Variants in ATG7 observed in about 807,000 individuals in gnomAD.
The protein encoded by ATG7 is ubiquitin-like modifier-activating enzyme ATG7.
ATG7 carries 70 observed loss-of-function variants against 82.4 expected under a neutral mutation model. The ratio of observed to expected loss-of-function variants is 0.85; its 90% CI spans 0.70 to 1.04. The LOEUF (loss-of-function observed/expected upper bound fraction) is 1.04. ATG7 is among the 50% of genes least tolerant of loss of function. ATG7 has a pLI of 0.00. For synonymous variants in ATG7, 287 were observed against 313.0 expected (o/e 0.92, Z 0.88); for missense variants, 792 against 864.3 (o/e 0.92, Z 1.05).
intron 9 of ATG7, among the ~76,000 whole-genome samples, chr3:11,326,649 G>A (rs924232793): frequency 6.6e-6 from 1 of 152,152 alleles, no homozygotes; most frequent in African/African-American, 2.4e-5. Flanking sequence ...TTGAAGCGAC[G>A]ATTGCTAAAT....
the ATG7 span, among the ~76,000 whole-genome samples, chr3:11,573,259 G>T: frequency 3.7e-4 from 4 of 10,760 alleles, no homozygotes; most frequent in Admixed American, 2.7e-3. Flanking sequence ...AAGAAAGAAA[G>T]AAAGAAAGAA....
In ATG7 at chr3:11,538,163, CAGAG is replaced by C. The variant is rs1327874149; in HGVS notation, c.2080-16643_2080-16640del. On this transcript the variant is annotated intron_variant, in intron 20 of 20. Coordinates refer to ENST00000693202, the MANE Select transcript of ATG7 (RefSeq NM_001349232.2). ...GGTGGCATTTCTAGAGGCAAGTGGT[CAGAG>C]AGAGCATGGGGGTTTTGTGGGGACT... 3.3e-5 allele frequency among the ~76,000 whole-genome samples: 5 copies of C among 152,164 alleles called. No homozygotes were observed. The East Asian group carries it at 7.7e-4, about 24-fold the overall frequency.
intron 6 of ATG7, chr3:11,308,363 AGTTT>A (rs1298107215): frequency 6.6e-6 from 1 of 152,380 alleles, no homozygotes; most frequent in African/African-American, 2.4e-5. Flanking sequence ...ATAAATTTGA[AGTTT>A]GTTCTTCTTT....
At chr3:11,301,455 T>G (rs2152694916) in intron 5 of ATG7, among the ~76,000 whole-genome samples, 1 of 152,318 alleles carries the variant, frequency 6.6e-6, no homozygotes, top group East Asian at 1.9e-4. Flanking sequence ...AGAATTTTTT[T>G]TAATCTCAGA....
chr3:11,427,048 T>TA, intron 20 of ATG7, 122 bp downstream of exon 20: 1 of 1,218,224 alleles, frequency 8.2e-7, no homozygotes, highest in Non-Finnish European at 1.1e-6. Context: ...CAAATATCAC[T>TA]AAATAAGTCT....
intron 20 of ATG7, among the ~76,000 whole-genome samples, chr3:11,525,315 G>A (rs977523013): frequency 6.6e-6 from 1 of 151,404 alleles, no homozygotes; most frequent in Non-Finnish European, 1.5e-5. Context: ...ATAGGTATGA[G>A]CCACTGTACC....
chr3:11,355,014 C>T (rs1032738552), intron 14 of ATG7, among the ~76,000 whole-genome samples: 5 of 152,224 alleles, frequency 3.3e-5, no homozygotes, highest in Non-Finnish European at 7.3e-5. Flanking sequence ...TTCAGAGCAG[C>T]TGAGGTGGCT....
intron 18 of ATG7, among the ~76,000 whole-genome samples, chr3:11,367,711 T>C (rs1485913495): frequency 2.6e-5 from 4 of 151,748 alleles, no homozygotes; most frequent in Admixed American, 2.0e-4. Context: ...TCTTATTGAA[T>C]TTGAAAACCA....
intron 19 of ATG7, among the ~76,000 whole-genome samples, chr3:11,386,567 A>G (rs2078329397): frequency 6.6e-6 from 1 of 152,200 alleles, no homozygotes. Flanking sequence ...AGCCTGTGCC[A>G]GGAATCTTTG....
intron 19 of ATG7, among the ~76,000 whole-genome samples, chr3:11,419,930 A>G (rs567169619): frequency 6.6e-6 from 1 of 152,194 alleles, no homozygotes; most frequent in Non-Finnish European, 1.5e-5. Context: ...TCTATTTTGC[A>G]AACTCTCTCA....
At chr3:11,525,556 CTTT>C (rs58430409) in intron 20 of ATG7, among the ~76,000 whole-genome samples, 1 of 123,664 alleles carries the variant, frequency 8.1e-6, no homozygotes, top group Non-Finnish European at 1.6e-5. Flanking sequence ...TAGTTATAGC[CTTT>C]TTTTTTTTTT....
chr3:11,443,486 A>T (rs1484715025), intron 20 of ATG7, among the ~76,000 whole-genome samples: 1 of 152,122 alleles, frequency 6.6e-6, no homozygotes, highest in Non-Finnish European at 1.5e-5. Context: ...TCCAAGCTCA[A>T]GTGATCCTCC....
chr3:11,433,321 G>A (rs2083080123), intron 20 of ATG7, among the ~76,000 whole-genome samples: 1 of 141,072 alleles, frequency 7.1e-6, no homozygotes. Flanking sequence ...AAAAAGCTGC[G>A]TTTGTTGAAG....
intron 5 of ATG7, among the ~76,000 whole-genome samples, chr3:11,304,285 G>C (rs554086584): frequency 6.6e-6 from 1 of 152,290 alleles, no homozygotes; most frequent in East Asian, 1.9e-4. Flanking sequence ...CAGATCTGGG[G>C]TGTACTATTT....
rs1016458740 is a variant in ATG7, at chr3:11,555,107, TTTC to T, written c.*267_*269del. The T allele has an allele frequency of 2.4e-4, 117 of 493,214 alleles. No homozygotes were observed. The highest frequency in any genetic ancestry group is 1.6e-3 in the Middle Eastern group (3 of 1,890). 30.6% of individuals were successfully genotyped at this position (493,214 alleles called of 1,614,324 possible). A position where few individuals can be genotyped will look rare whatever the true frequency, so the allele number is the denominator to read the frequency against. ...GACTTGGTCCTCCATGCAGTTTTTATTTCTTGTCACAGTGACTGATAGCCATCC... is the reference window on the plus strand; with the variant it reads ...GACTTGGTCCTCCATGCAGTTTTTATTTGTCACAGTGACTGATAGCCATCC... On this transcript the variant is annotated 3_prime_UTR_variant, in exon 21 of 21. Transcript: ENST00000693202.
chr3:11,488,695 T>C (rs2090031815), intron 20 of ATG7, among the ~76,000 whole-genome samples: 1 of 152,166 alleles, frequency 6.6e-6, no homozygotes, highest in Admixed American at 6.5e-5. Context: ...GTTTATATGC[T>C]AGGTTACATT....
At chr3:11,486,709 C>T (rs140776728) in intron 20 of ATG7, among the ~76,000 whole-genome samples, 3,933 of 151,938 alleles carry the variant, frequency 0.026, 75 homozygotes, top group Non-Finnish European at 0.041. Flanking sequence ...TGAGATATGT[C>T]CCATCAGTAC....
chr3:11,566,079 G>A, the ATG7 span, among the ~76,000 whole-genome samples: 1 of 152,218 alleles, frequency 6.6e-6, no homozygotes, highest in Non-Finnish European at 1.5e-5. Flanking sequence ...TTAACTAGCA[G>A]AAAAGCCTAG....
At chr3:11,465,461 G>T (rs1192883942) in intron 20 of ATG7, among the ~76,000 whole-genome samples, 1 of 141,146 alleles carries the variant, frequency 7.1e-6, no homozygotes, top group Non-Finnish European at 1.5e-5. Context: ...AAAAAAAAAT[G>T]AGCCTGTAAG....
Sources: allele counts gnomAD v4.1 joint callset (sites outside exome capture counted in the v4.1 genomes callset), GRCh38; gene constraint gnomAD v4.1.1; transcripts MANE v1.5; gene names NCBI Gene and HGNC (gene_info 2026-07-23, HGNC 2026-07-21).